The following FHIT variants were observed in gnomAD, a reference collection of about 807,000 sequenced individuals.
FHIT encodes the protein bis(5'-adenosyl)-triphosphatase.
A neutral mutation model predicts 17.9 loss-of-function variants in FHIT; 19 were observed. The observed-to-expected ratio is 1.06, with a 90% CI of 0.74 to 1.56. The LOEUF is 1.56. Among genes scored for constraint, FHIT ranks in the 40% most tolerant of loss-of-function variants. The pLI, the probability that FHIT is intolerant of heterozygous loss-of-function variation, is 0.00. For synonymous variants in FHIT, 81 were observed against 69.7 expected, an observed-to-expected ratio of 1.16 and a Z score of -0.81; for missense variants, 248 against 189.2, an observed-to-expected ratio of 1.31 and a Z score of -1.82.
chr3:60,402,766 G>C (rs1369603205), intron 5 of FHIT, among the ~76,000 whole-genome samples: 4 of 152,124 alleles, frequency 2.6e-5, no homozygotes, highest in Non-Finnish European at 4.4e-5. Flanking sequence ...TAGAATTTTA[G>C]TTTCTTGAGG....
chr3:60,117,295 G>C (rs555417336), intron 5 of FHIT, among the ~76,000 whole-genome samples: 1 of 152,114 alleles, frequency 6.6e-6, no homozygotes, highest in Non-Finnish European at 1.5e-5. Context: ...AGTAGAATAG[G>C]TTACAGAATG....
chr3:61,051,324 G>A (rs1446339420), intron 2 of FHIT, among the ~76,000 whole-genome samples: 2 of 152,086 alleles, frequency 1.3e-5, no homozygotes, highest in East Asian at 1.9e-4. Flanking sequence ...AGACTGGAGT[G>A]CAGTGGCAGG....
intron 3 of FHIT, among the ~76,000 whole-genome samples, chr3:61,018,247 C>G (rs562676329): frequency 6.6e-6 from 1 of 152,232 alleles, no homozygotes; most frequent in South Asian, 2.1e-4. Context: ...ACTCCTTAAT[C>G]AATGCAACAC....
chr3:61,180,563 T>C (rs1203234847), intron 2 of FHIT, among the ~76,000 whole-genome samples: 1 of 152,218 alleles, frequency 6.6e-6, no homozygotes, highest in African/African-American at 2.4e-5. Context: ...TCTCCAGTTT[T>C]GTGTTTAGGA....
At chr3:60,235,024 G>A (rs917169696) in intron 5 of FHIT, among the ~76,000 whole-genome samples, 21 of 151,958 alleles carry the variant, frequency 1.4e-4, no homozygotes, top group Admixed American at 1.3e-4. Flanking sequence ...GAGCAGTTTC[G>A]AACAAGGTGT....
At chr3:60,654,514 ATAT>A (rs2040070838) in intron 4 of FHIT, among the ~76,000 whole-genome samples, 2 of 152,256 alleles carry the variant, frequency 1.3e-5, no homozygotes, top group South Asian at 4.2e-4. Context: ...AAACTTGAAG[ATAT>A]TATTGAGGTA....
At chr3:60,877,749 C>G (rs1704737120) in intron 3 of FHIT, among the ~76,000 whole-genome samples, 2 of 152,080 alleles carry the variant, frequency 1.3e-5, no homozygotes, top group African/African-American at 4.8e-5. Flanking sequence ...GTCTACCCTA[C>G]TGGACAATCT....
chr3:59,846,158 T>C (rs554407788), intron 8 of FHIT, among the ~76,000 whole-genome samples: 3 of 152,222 alleles, frequency 2.0e-5, no homozygotes, highest in Non-Finnish European at 4.4e-5. Context: ...TATAGGTTTA[T>C]TTTGTCCCTC....
chr3:60,913,564 T>A (rs1250402678), intron 3 of FHIT, among the ~76,000 whole-genome samples: 2 of 152,240 alleles, frequency 1.3e-5, no homozygotes, highest in Admixed American at 1.3e-4. Context: ...TATCCCACTT[T>A]GGGTGTGTTT....
intron 3 of FHIT, among the ~76,000 whole-genome samples, chr3:60,946,615 C>T (rs149424557): frequency 3.3e-5 from 5 of 152,122 alleles, no homozygotes; most frequent in East Asian, 3.9e-4. Flanking sequence ...CTGGGGGGAA[C>T]GTCTTCAATA....
intron 4 of FHIT, among the ~76,000 whole-genome samples, chr3:60,619,290 T>TA (rs1257353798): frequency 1.3e-5 from 2 of 152,066 alleles, no homozygotes; most frequent in Admixed American, 6.6e-5. Flanking sequence ...AAAATGTAAA[T>TA]AAAGGAATAT....
chr3:60,650,297 T>C (rs1182728665), intron 4 of FHIT, among the ~76,000 whole-genome samples: 1 of 152,186 alleles, frequency 6.6e-6, no homozygotes, highest in Non-Finnish European at 1.5e-5. Flanking sequence ...GTCTATTCCA[T>C]AGTAAGGAAT....
At chr3:60,699,809 T>C (rs2041199896) in intron 4 of FHIT, among the ~76,000 whole-genome samples, 1 of 128,822 alleles carries the variant, frequency 7.8e-6, no homozygotes, top group African/African-American at 4.1e-5. Flanking sequence ...AAAAATCATT[T>C]TAATTTTAAA....
chr3:60,409,471 A>C (rs1464002145), intron 5 of FHIT, among the ~76,000 whole-genome samples: 1 of 152,240 alleles, frequency 6.6e-6, no homozygotes, highest in Admixed American at 6.5e-5. Context: ...GATTTACTTT[A>C]ACTGTGAATC....
intron 5 of FHIT, among the ~76,000 whole-genome samples, chr3:60,331,094 A>G (rs1000118911): frequency 2.0e-5 from 3 of 151,830 alleles, no homozygotes; most frequent in African/African-American, 4.8e-5. Flanking sequence ...CTTAAGTCCA[A>G]CTCACCTACT....
intron 7 of FHIT, among the ~76,000 whole-genome samples, chr3:59,961,900 T>G (rs1005973524): frequency 6.1e-5 from 5 of 81,806 alleles, no homozygotes; most frequent in Non-Finnish European, 1.3e-4. Context: ...ATTTTTTTTA[T>G]GACAGGCTAA....
intron 8 of FHIT, among the ~76,000 whole-genome samples, chr3:59,880,449 T>C (rs1014739724): frequency 3.9e-5 from 6 of 152,126 alleles, no homozygotes; most frequent in Non-Finnish European, 7.3e-5. Flanking sequence ...CCACTGTAAT[T>C]TCCAGGCTTC....
chr3:60,558,582 C>T (rs567128955), intron 4 of FHIT, among the ~76,000 whole-genome samples: 1 of 151,902 alleles, frequency 6.6e-6, no homozygotes, highest in Admixed American at 6.6e-5. Context: ...AACATTTTTC[C>T]CCACTAAATG....
chr3:59,916,562 G>A (rs1300965733), intron 8 of FHIT, among the ~76,000 whole-genome samples: 1 of 152,114 alleles, frequency 6.6e-6, no homozygotes, highest in African/African-American at 2.4e-5. Flanking sequence ...TGAGAAAAAT[G>A]GGCACAAATA....
Sources: gnomAD v4.1 joint callset for allele counts (sites outside exome capture counted in the v4.1 genomes callset) on GRCh38, gnomAD v4.1.1 for gene constraint, MANE v1.5 for transcripts, NCBI Gene and HGNC (gene_info 2026-07-23, HGNC 2026-07-21) for gene names.